KANK4: variants seen among roughly 807,000 people sequenced by gnomAD.
The protein encoded by KANK4 is KN motif and ankyrin repeat domains 4.
Under a neutral mutation model 80.8 loss-of-function variants are expected in KANK4, and 50 were observed. The ratio of observed to expected loss-of-function variants is 0.62; its 90% confidence interval spans 0.49 to 0.78. The LOEUF is 0.78. Ranked by LOEUF, KANK4 falls within the 30% of genes least tolerant of loss-of-function variation. KANK4 has a pLI of 0.00. For synonymous variants in KANK4, 465 were observed against 506.9 expected (o/e 0.92, Z 1.11); for missense variants, 1,196 against 1,240.1 (o/e 0.96, Z 0.53).
chr1:62,307,118 T>C (rs997345000), intron 1 of KANK4, among the ~76,000 whole-genome samples: 2 of 152,014 alleles, frequency 1.3e-5, no homozygotes, highest in African/African-American at 4.8e-5. Context: ...TTCGTCCAGG[T>C]TCCTTCCCAG....
intron 9 of KANK4, among the ~76,000 whole-genome samples, chr1:62,246,654 G>T (rs957237204): frequency 2.6e-5 from 4 of 152,014 alleles, no homozygotes; most frequent in Admixed American, 2.0e-4. Context: ...CTGGAGTGCA[G>T]TGGCCTGACC....
At chr1:62,279,198 G>GCGCGCACACACACACA (rs1282615199) in intron 2 of KANK4, among the ~76,000 whole-genome samples, 5 of 146,290 alleles carry the variant, frequency 3.4e-5, no homozygotes, top group South Asian at 4.5e-4. Context: ...GCTAGCGCGC[G>GCGCGCACACACACACA]CACACACACA....
chr1:62,251,681 T>C (rs1361251419), intron 8 of KANK4, among the ~76,000 whole-genome samples: 6 of 152,116 alleles, frequency 3.9e-5, no homozygotes, highest in African/African-American at 1.4e-4. Context: ...CCCAATCAAC[T>C]TGTACTTAAT....
intron 2 of KANK4, among the ~76,000 whole-genome samples, chr1:62,275,494 G>A (rs2149145080): frequency 6.6e-6 from 1 of 152,260 alleles, no homozygotes; most frequent in South Asian, 2.1e-4. Context: ...GGATATGGAA[G>A]GGTTTAAAGG....
At chr1:62,261,912 C>T (rs1671894335) in intron 7 of KANK4, among the ~76,000 whole-genome samples, 1 of 152,172 alleles carries the variant, frequency 6.6e-6, no homozygotes, top group South Asian at 2.1e-4. Context: ...GCTCTCATTT[C>T]AGTTCCTAAA....
intron 1 of KANK4, among the ~76,000 whole-genome samples, chr1:62,295,241 C>A (rs922250523): frequency 6.6e-6 from 1 of 151,978 alleles, no homozygotes; most frequent in Non-Finnish European, 1.5e-5. Flanking sequence ...CGGGTTCAAG[C>A]GATTCTCCTG....
intron 1 of KANK4, among the ~76,000 whole-genome samples, chr1:62,316,945 C>T (rs894768135): frequency 1.3e-5 from 2 of 152,072 alleles, no homozygotes; most frequent in African/African-American, 2.4e-5. Flanking sequence ...GGGCCTTCTG[C>T]AGGGGAAAAA....
At position 62,305,980 on chromosome 1, in the gene KANK4, ACT is replaced by A. The variant is rs58731873; in HGVS notation, c.-71+13124_-71+13125del. Among the ~76,000 whole-genome samples, 239 of 149,128 alleles carry A rather than the reference ACT, an allele frequency of 1.6e-3. 2 individuals carry two copies. The East Asian group carries it at 0.033, about 20-fold the overall frequency. ...TATTTAGTAGTGTTTCCCATTACAGACTCTCTCTCTCTCTCTCTTTTTAACAC... is the reference window on the plus strand; with the variant it reads ...TATTTAGTAGTGTTTCCCATTACAGACTCTCTCTCTCTCTCTTTTTAACAC... On this transcript the variant is annotated intron_variant, in intron 1 of 9. Coordinates refer to ENST00000371153, the MANE Select transcript of KANK4 (RefSeq NM_181712.5).
chr1:62,304,468 T>C (rs1644435566), intron 1 of KANK4, among the ~76,000 whole-genome samples: 2 of 151,956 alleles, frequency 1.3e-5, no homozygotes, highest in African/African-American at 4.8e-5. Flanking sequence ...CTTCCAGTGA[T>C]GACAAGAAGG....
chr1:62,247,145 C>T (rs1570961322), intron 9 of KANK4, among the ~76,000 whole-genome samples: 2 of 151,882 alleles, frequency 1.3e-5, no homozygotes, highest in Non-Finnish European at 2.9e-5. Flanking sequence ...CCTGCCTTGG[C>T]CTCTGAAAGT....
chr1:62,275,114 A>C, intron 2 of KANK4, 27 bp from the exon 3 acceptor site: 4 of 1,537,400 alleles, frequency 2.6e-6, no homozygotes, highest in Non-Finnish European at 3.5e-6. Flanking sequence ...AAGTTAAAAA[A>C]AAAAAGCACA....
intron 1 of KANK4, among the ~76,000 whole-genome samples, chr1:62,316,406 TAAA>T (rs981654320): frequency 6.6e-6 from 1 of 152,122 alleles, no homozygotes; most frequent in African/African-American, 2.4e-5. Context: ...GTGGCCTTCA[TAAA>T]GTACCAGGAA....
At chr1:62,253,409 CTTTT>C (rs34488630) in intron 7 of KANK4, among the ~76,000 whole-genome samples, 200 bp from the exon 8 acceptor site, 2 of 110,966 alleles carry the variant, frequency 1.8e-5, no homozygotes, top group East Asian at 2.8e-4. Context: ...TTCTTTCTTT[CTTTT>C]TTTTTTTTTT....
In KANK4 at chr1:62,279,198, GCACACACACACACA is replaced by G. The variant is rs10560623; in HGVS notation, c.16+2337_16+2350del. 8.2e-5 allele frequency among the ~76,000 whole-genome samples: 12 copies of G among 146,290 alleles called. No homozygotes were observed. In the South Asian group the frequency reaches 1.1e-3, roughly 14 times the overall value. On this transcript the variant is annotated intron_variant, in intron 2 of 9. Coordinates refer to ENST00000371153, the MANE Select transcript of KANK4 (RefSeq NM_181712.5). ...TAGGTGCTTTCCTAAGCTAGCGCGC[GCACACACACACACA>G]CACACACACACACACACACACACAC...
At position 62,253,929 on chromosome 1, in the gene KANK4, C is replaced by T. The variant is rs770128996; in HGVS notation, c.2540-720G>A. On this transcript the variant is annotated intron_variant, in intron 7 of 9. Coordinates refer to ENST00000371153, the MANE Select transcript of KANK4 (RefSeq NM_181712.5). ...GTGGGTCAGGAACACTCAGGTCTGT[C>T]CGGCTCTGGTGCTCATCCCTCACCT... 6.2e-4 allele frequency among the ~76,000 whole-genome samples: 95 copies of T among 152,308 alleles called. 2 individuals carry two copies. The highest frequency in any genetic ancestry group is 3.4e-3 in the Middle Eastern group (1 of 294).
chr1:62,303,463 C>G (rs1242995856), intron 1 of KANK4, among the ~76,000 whole-genome samples: 3 of 151,988 alleles, frequency 2.0e-5, no homozygotes, highest in Admixed American at 1.3e-4. Context: ...GGTTTCCTGA[C>G]CAGCCCCCCG....
At position 62,319,122 on chromosome 1, in the gene KANK4, A is replaced by C. The variant is rs569204661; in HGVS notation, c.-87T>G. On this transcript the variant is annotated 5_prime_UTR_variant, in exon 1 of 10. Transcript: ENST00000371153. ...GTCCCTTACCTTGGCGAGCTGCGGAAGTCCTGCGCGAGGCGGCCCGCGGTG... is the reference window on the plus strand; with the variant it reads ...GTCCCTTACCTTGGCGAGCTGCGGACGTCCTGCGCGAGGCGGCCCGCGGTG... The C allele has an allele frequency of 1.2e-3, 176 of 152,346 alleles. 2 individuals carry two copies. Among genetic ancestry groups the C allele is most frequent in the Middle Eastern group, 6.8e-3 (2 of 294 alleles). The allele number at this position is 152,346 out of a possible 1,614,324, so 9.4% of individuals were successfully genotyped here.
chr1:62,262,589 A>G (rs1056297484), intron 7 of KANK4, among the ~76,000 whole-genome samples: 2 of 152,166 alleles, frequency 1.3e-5, no homozygotes, highest in African/African-American at 2.4e-5. Context: ...AAATAAATAT[A>G]TAACGTATAC....
At chr1:62,314,906 C>T (rs577384121) in intron 1 of KANK4, among the ~76,000 whole-genome samples, 2 of 152,294 alleles carry the variant, frequency 1.3e-5, no homozygotes, top group East Asian at 1.9e-4. Flanking sequence ...AAGGAACGCT[C>T]GGCCAGCTTC....
Sources: allele counts gnomAD v4.1 joint callset (sites outside exome capture counted in the v4.1 genomes callset), GRCh38; gene constraint gnomAD v4.1.1; transcripts MANE v1.5; gene names NCBI Gene and HGNC (gene_info 2026-07-23, HGNC 2026-07-21).